Variants in KLHL1 observed in about 807,000 individuals in gnomAD.
The protein encoded by KLHL1 is kelch-like protein 1.
Under a neutral mutation model 77.7 loss-of-function variants are expected in KLHL1, and 47 were observed. The ratio of observed to expected loss-of-function variants is 0.60; its 90% CI spans 0.48 to 0.77. KLHL1 has a LOEUF of 0.77. KLHL1 is among the 30% of genes least tolerant of loss of function. The pLI, the probability that KLHL1 is intolerant of heterozygous loss-of-function variation, is 0.00. For synonymous variants in KLHL1, 360 were observed against 325.2 expected, an observed-to-expected ratio of 1.11 and a Z score of -1.15; for missense variants, 925 against 910.8, an observed-to-expected ratio of 1.02 and a Z score of -0.20.
At chr13:69,933,215 G>A (rs1883063747) in intron 4 of KLHL1, among the ~76,000 whole-genome samples, 1 of 151,870 alleles carries the variant, frequency 6.6e-6, no homozygotes, top group African/African-American at 2.4e-5. Context: ...GACCACGAAG[G>A]CATGTGAGAC....
intron 7 of KLHL1, among the ~76,000 whole-genome samples, chr13:69,781,652 C>CTTTTTACCCATGATA (rs1876216310): frequency 1.3e-5 from 2 of 152,036 alleles, no homozygotes; most frequent in Non-Finnish European, 2.9e-5. Context: ...TTGTAATCAT[C>CTTTTTACCCATGATA]TTTTTACCCA....
intron 4 of KLHL1, among the ~76,000 whole-genome samples, chr13:69,898,151 C>A (rs571062487): frequency 6.6e-6 from 1 of 152,334 alleles, no homozygotes; most frequent in South Asian, 2.1e-4. Context: ...AATGTGCTCT[C>A]CACCAAATAA....
intron 1 of KLHL1, among the ~76,000 whole-genome samples, chr13:70,003,978 A>G (rs1029849905): frequency 2.6e-5 from 4 of 151,982 alleles, no homozygotes; most frequent in Admixed American, 2.0e-4. Context: ...CTGAAGGTCA[A>G]TGTATATTTG....
At chr13:69,908,065 T>C (rs146176205) in intron 4 of KLHL1, among the ~76,000 whole-genome samples, 1,651 of 152,116 alleles carry the variant, frequency 0.011, 13 homozygotes, top group Middle Eastern at 0.044. Context: ...TAAATATCAG[T>C]AGTTGTCATA....
At chr13:69,967,082 G>GT (rs1267841540) in intron 2 of KLHL1, among the ~76,000 whole-genome samples, 1 of 152,132 alleles carries the variant, frequency 6.6e-6, no homozygotes, top group Admixed American at 6.6e-5. Context: ...ACAAGCACAG[G>GT]TTTTTTGATA....
At chr13:69,839,439 CT>C (rs1280775752) in intron 5 of KLHL1, among the ~76,000 whole-genome samples, 1 of 151,694 alleles carries the variant, frequency 6.6e-6, no homozygotes, top group Non-Finnish European at 1.5e-5. Flanking sequence ...TATTCATTTT[CT>C]TTTTATGAAA....
chr13:69,751,905 G>T (rs756811800), intron 7 of KLHL1, among the ~76,000 whole-genome samples: 3 of 139,550 alleles, frequency 2.1e-5, no homozygotes, highest in Non-Finnish European at 4.7e-5. Context: ...GGAAATATTT[G>T]CAAATTAAGA....
chr13:69,701,782 CAACTT>C lies in KLHL1; in HGVS notation c.2188-26_2188-22del, dbSNP rs368432947. 102 of 1,533,212 alleles carry C rather than the reference CAACTT, an allele frequency of 6.7e-5. No homozygotes were observed. In the East Asian group the frequency reaches 1.7e-3, roughly 26 times the overall value. 95.0% of individuals were successfully genotyped at this position (1,533,212 alleles called of 1,614,324 possible). On this transcript the variant is annotated intron_variant, in intron 10 of 10. Transcript: ENST00000377844. Reference sequence around the variant, plus strand: ...GCCATCTGTTAAAAAAGATGAAACACAACTTAAGACAAGTTTTCATAGAAAAATAT... The same window carrying C: ...GCCATCTGTTAAAAAAGATGAAACACAAGACAAGTTTTCATAGAAAAATAT...
At chr13:70,064,022 G>A (rs1343680520) in intron 1 of KLHL1, among the ~76,000 whole-genome samples, 2 of 152,010 alleles carry the variant, frequency 1.3e-5, no homozygotes, top group Non-Finnish European at 1.5e-5. Flanking sequence ...TGAAGTATAG[G>A]TTATAGAAAA....
chr13:69,787,605 G>A (rs1593832293), intron 7 of KLHL1, among the ~76,000 whole-genome samples: 1 of 152,158 alleles, frequency 6.6e-6, no homozygotes, highest in South Asian at 2.1e-4. Flanking sequence ...CATGGGCAAG[G>A]ACTTCATGTC....
At chr13:69,836,825 C>T (rs985988353) in intron 6 of KLHL1, among the ~76,000 whole-genome samples, 1 of 151,344 alleles carries the variant, frequency 6.6e-6, no homozygotes, top group Admixed American at 6.6e-5. Context: ...TAGGCTGTTA[C>T]TACTGACCAA....
intron 4 of KLHL1, among the ~76,000 whole-genome samples, chr13:69,917,739 G>GT (rs1324919196): frequency 4.0e-5 from 6 of 151,484 alleles, no homozygotes; most frequent in African/African-American, 7.3e-5. Context: ...TCTTTGCAAG[G>GT]TTTTTTTTGG....
At chr13:70,082,325 AC>A (rs1887413440) in intron 1 of KLHL1, among the ~76,000 whole-genome samples, 1 of 135,342 alleles carries the variant, frequency 7.4e-6, no homozygotes, top group Non-Finnish European at 1.6e-5. Context: ...ACACACACAC[AC>A]ACACACACAC....
At chr13:70,091,505 A>G (rs1293183195) in intron 1 of KLHL1, among the ~76,000 whole-genome samples, 1 of 151,982 alleles carries the variant, frequency 6.6e-6, no homozygotes, top group Admixed American at 6.6e-5. Flanking sequence ...CCACATCACA[A>G]ATTTTCATTT....
At chr13:69,848,270 C>A (rs1229703914) in intron 5 of KLHL1, among the ~76,000 whole-genome samples, 1 of 151,476 alleles carries the variant, frequency 6.6e-6, no homozygotes, top group Non-Finnish European at 1.5e-5. Flanking sequence ...ACAGTTTGTT[C>A]ACCAAAGCTC....
rs1049227033 is a variant in KLHL1 at position 69,785,872 on chromosome 13, C to T, written c.1639+10866G>A. ...TACAAACTACCATCAGAGAATACTA[C>T]AAACACATCTACGCAAATGAACTAG... On this transcript the variant is annotated intron_variant, in intron 7 of 10. Transcript: ENST00000377844. Among the ~76,000 whole-genome samples, 121 of 152,298 alleles carry T rather than the reference C, an allele frequency of 7.9e-4. 1 individual carries two copies. The highest frequency in any genetic ancestry group is 2.9e-3 in the African/African-American group (119 of 41,562).
At chr13:69,711,483 G>T (rs989359034) in intron 9 of KLHL1, among the ~76,000 whole-genome samples, 1 of 152,012 alleles carries the variant, frequency 6.6e-6, no homozygotes, top group Non-Finnish European at 1.5e-5. Context: ...AGTGACAATA[G>T]TGTTGGCTAA....
intron 5 of KLHL1, among the ~76,000 whole-genome samples, chr13:69,873,927 C>T (rs951027473): frequency 3.3e-5 from 5 of 151,942 alleles, no homozygotes; most frequent in African/African-American, 4.8e-5. Context: ...AACCACTAAA[C>T]GAGGCAAGAA....
chr13:69,837,017 T>A (rs1879020459), intron 6 of KLHL1, among the ~76,000 whole-genome samples: 1 of 152,030 alleles, frequency 6.6e-6, no homozygotes. Flanking sequence ...TATACGACTC[T>A]TTATATTTTG....
Sources: allele counts gnomAD v4.1 joint callset (sites outside exome capture counted in the v4.1 genomes callset), GRCh38; gene constraint gnomAD v4.1.1; transcripts MANE v1.5; gene names NCBI Gene and HGNC (gene_info 2026-07-23, HGNC 2026-07-21).